PTPRD: variants seen among roughly 807,000 people sequenced by gnomAD.
PTPRD encodes receptor-type tyrosine-protein phosphatase delta.
A neutral mutation model predicts 214.5 loss-of-function variants in PTPRD; 34 were observed. That is an observed-to-expected ratio of 0.16 (90% CI 0.12 to 0.21). The LOEUF (loss-of-function observed/expected upper bound fraction) is 0.21, where lower values mean the gene tolerates loss of function less well. PTPRD is among the 10% of genes least tolerant of loss of function. The pLI, the probability that PTPRD is intolerant of heterozygous loss-of-function variation, is 1.00. For missense variants in PTPRD, 2,545 were observed against 2,398.7 expected, an observed-to-expected ratio of 1.06 and a Z score of -1.27; for synonymous variants, 1,128 against 845.7, an observed-to-expected ratio of 1.33 and a Z score of -5.79.
intron 10 of PTPRD, among the ~76,000 whole-genome samples, chr9:9,156,289 T>C (rs2099881124): frequency 6.6e-6 from 1 of 152,012 alleles, no homozygotes; most frequent in Non-Finnish European, 1.5e-5. Context: ...TTATAATACA[T>C]AATAGCTGAC....
chr9:8,569,943 A>T lies in PTPRD; in HGVS notation c.353-41164T>A, dbSNP rs79169038. ...AACTGAAAAATACAGAGCAGATATC[A>T]ACAACATTTGGGTACATAATGCGGT... On this transcript the variant is annotated intron_variant, in intron 14 of 45. Coordinates refer to ENST00000381196, the MANE Select transcript of PTPRD (RefSeq NM_002839.4). Among the ~76,000 whole-genome samples, 175 of 152,270 alleles carry T rather than the reference A, an allele frequency of 1.1e-3. 2 individuals are homozygous for T. The East Asian group carries it at 0.032, about 28-fold the overall frequency.
chr9:9,960,893 A>G (rs1324753740), intron 4 of PTPRD, among the ~76,000 whole-genome samples: 1 of 152,114 alleles, frequency 6.6e-6, no homozygotes, highest in Non-Finnish European at 1.5e-5. Flanking sequence ...ATGGGAGAAA[A>G]TTTTTGCAAT....
In PTPRD at chr9:8,957,639, C is replaced by G. The variant is rs116575590; in HGVS notation, c.-104+61058G>C. On this transcript the variant is annotated intron_variant, in intron 11 of 45. Transcript: ENST00000381196. Reference sequence around the variant, plus strand: ...GTTTTGCTCCTCATGCTATTGTAAGCTCTTCAAAGACAAGATGTACATCTC... The same window carrying G: ...GTTTTGCTCCTCATGCTATTGTAAGGTCTTCAAAGACAAGATGTACATCTC... 3.6e-3 allele frequency among the ~76,000 whole-genome samples: 548 copies of G among 151,996 alleles called. 4 individuals carry two copies. The highest frequency in any genetic ancestry group is 0.012 in the African/African-American group (501 of 41,502).
intron 8 of PTPRD, among the ~76,000 whole-genome samples, chr9:9,465,146 T>C (rs949230865): frequency 1.3e-5 from 2 of 152,192 alleles, no homozygotes; most frequent in Non-Finnish European, 2.9e-5. Context: ...ATAGTTTTGA[T>C]CTTAAAATAC....
At chr9:9,516,568 TTG>T in intron 8 of PTPRD, among the ~76,000 whole-genome samples, 1 of 151,806 alleles carries the variant, frequency 6.6e-6, no homozygotes, top group Non-Finnish European at 1.5e-5. Flanking sequence ...AGATGGATTC[TTG>T]CTCTGTTGCC....
chr9:10,038,239 T>C (rs1231732607), intron 3 of PTPRD, among the ~76,000 whole-genome samples: 1 of 152,142 alleles, frequency 6.6e-6, no homozygotes, highest in East Asian at 1.9e-4. Flanking sequence ...CAGGACTTCA[T>C]CTTTAACATT....
rs71332747 is a variant in PTPRD, at chr9:10,504,115, C to CAA, written c.-600+108281_-600+108282dup. On this transcript the variant is annotated intron_variant, in intron 2 of 45. Coordinates refer to ENST00000381196, the MANE Select transcript of PTPRD (RefSeq NM_002839.4). ...TGGGGCACAGAGCGAGACTCTGTCT[C>CAA]AAAAAAAAAAAAAAAAAAAAAAAAA... Among the ~76,000 whole-genome samples the CAA allele has an allele frequency of 8.8e-3, 237 of 26,964 alleles. 50 individuals are homozygous for CAA. Among genetic ancestry groups the CAA allele is most frequent in the African/African-American group, 0.034 (191 of 5,548 alleles). 17.7% of individuals were successfully genotyped at this position (26,964 alleles called of 152,430 possible).
At chr9:9,323,935 G>C (rs145688892) in intron 9 of PTPRD, among the ~76,000 whole-genome samples, 2,604 of 152,216 alleles carry the variant, frequency 0.017, 74 homozygotes, top group African/African-American at 0.06. Flanking sequence ...TGAGAACATG[G>C]AGTGTTTGGT....
intron 3 of PTPRD, among the ~76,000 whole-genome samples, chr9:10,312,955 C>T (rs1322636977): frequency 6.6e-6 from 1 of 151,848 alleles, no homozygotes; most frequent in East Asian, 1.9e-4. Flanking sequence ...AAAACAAACC[C>T]ATCCTTTAGT....
chr9:9,762,556 C>T (rs901582899), intron 6 of PTPRD, among the ~76,000 whole-genome samples: 1 of 152,204 alleles, frequency 6.6e-6, no homozygotes, highest in Non-Finnish European at 1.5e-5. Flanking sequence ...GAAACCTCCT[C>T]AGCTAAACAT....
At chr9:9,323,099 T>C (rs1022264690) in intron 9 of PTPRD, among the ~76,000 whole-genome samples, 1 of 152,160 alleles carries the variant, frequency 6.6e-6, no homozygotes, top group African/African-American at 2.4e-5. Context: ...GGCACTTTAC[T>C]ATGGCCAGAA....
intron 2 of PTPRD, among the ~76,000 whole-genome samples, chr9:10,389,342 A>G (rs2098004326): frequency 6.6e-6 from 1 of 151,858 alleles, no homozygotes; most frequent in African/African-American, 2.4e-5. Context: ...CATTTTGGAA[A>G]TTAGATGATT....
intron 11 of PTPRD, among the ~76,000 whole-genome samples, chr9:8,940,474 A>ATTTTTTTTTT (rs1467461986): frequency 2.0e-4 from 25 of 125,442 alleles, no homozygotes; most frequent in East Asian, 7.6e-4. Flanking sequence ...GGTATTTTTA[A>ATTTTTTTTTT]TAGAGACAGG....
intron 9 of PTPRD, among the ~76,000 whole-genome samples, chr9:9,239,717 G>A (rs1339825269): frequency 6.6e-6 from 1 of 152,154 alleles, no homozygotes; most frequent in Non-Finnish European, 1.5e-5. Flanking sequence ...CACCTGGGCT[G>A]CTAGCCAAAG....
intron 5 of PTPRD, among the ~76,000 whole-genome samples, chr9:9,878,607 G>A (rs1415348957): frequency 6.6e-6 from 1 of 152,154 alleles, no homozygotes; most frequent in Non-Finnish European, 1.5e-5. Flanking sequence ...GTCAACCTAA[G>A]TCCTGCGTAC....
intron 11 of PTPRD, among the ~76,000 whole-genome samples, chr9:8,894,355 CA>C (rs34776407): frequency 0.4 from 29,651 of 74,128 alleles, 3,769 homozygotes; most frequent in Middle Eastern, 0.54. Flanking sequence ...GACTCCATCT[CA>C]AAAAAAAAAA....
intron 10 of PTPRD, among the ~76,000 whole-genome samples, chr9:9,046,641 T>A (rs1273044128): frequency 6.6e-6 from 1 of 152,178 alleles, no homozygotes; most frequent in Non-Finnish European, 1.5e-5. Flanking sequence ...AACTTTTTTA[T>A]TAAAGGAATA....
intron 9 of PTPRD, among the ~76,000 whole-genome samples, chr9:9,284,246 G>C (rs1015956559): frequency 3.3e-4 from 50 of 151,588 alleles, no homozygotes; most frequent in Non-Finnish European, 8.9e-5. Context: ...TGTAGGTTCA[G>C]CTTAGCCATA....
chr9:9,017,455 G>A (rs764717802), intron 11 of PTPRD, among the ~76,000 whole-genome samples: 39 of 152,064 alleles, frequency 2.6e-4, no homozygotes, highest in Admixed American at 6.6e-4. Flanking sequence ...TTTGAACGCC[G>A]GAGTAATTTG....
Sources: allele counts gnomAD v4.1 joint callset (sites outside exome capture counted in the v4.1 genomes callset), GRCh38; gene constraint gnomAD v4.1.1; transcripts MANE v1.5; gene names NCBI Gene and HGNC (gene_info 2026-07-23, HGNC 2026-07-21).